Variants in SOX30 observed in about 807,000 individuals in gnomAD.
SOX30 encodes the protein SRY-box transcription factor 30.
SOX30 carries 17 observed loss-of-function variants against 58.6 expected under a neutral mutation model. The ratio of observed to expected loss-of-function variants is 0.29; its 90% CI spans 0.20 to 0.44. The LOEUF is 0.44. SOX30 is among the 20% of genes least tolerant of loss of function. SOX30 has a pLI of 1.00. For synonymous variants in SOX30, 421 were observed against 400.2 expected (o/e 1.05, Z -0.62); for missense variants, 951 against 965.8 (o/e 0.98, Z 0.20).
rs1581393412 is a variant in SOX30 at position 157,638,707 on chromosome 5, G to A, written c.1403C>T (p.Ala468Val). 1 of 1,607,950 alleles carries A rather than the reference G, an allele frequency of 6.2e-7. No individual in the cohort carries two copies. The highest frequency in any genetic ancestry group is 8.5e-7 in the Non-Finnish European group (1 of 1,176,372). ...ITHPVGETSP[A>V]IQLPTPAVQS... ...GACTGCAGGTGTGGGCAGCTGGATAGCAGGTGAGGTTTCACCTTTAGAAAT... is the reference window on the plus strand; with the variant it reads ...GACTGCAGGTGTGGGCAGCTGGATAACAGGTGAGGTTTCACCTTTAGAAAT... The change falls in exon 4 of 5, where the codon GCT becomes GTT. Residue 468 changes from alanine (A) to valine (V), a missense_variant. Coordinates refer to ENST00000265007, the MANE Select transcript of SOX30 (RefSeq NM_178424.2).
chr5:157,650,814 G>A (rs745762659), intron 1 of SOX30, among the ~76,000 whole-genome samples: 1 of 152,148 alleles, frequency 6.6e-6, no homozygotes, highest in South Asian at 2.1e-4. Context: ...CATATAAACT[G>A]AGGGCTATGC....
chr5:157,640,651 G>A (rs1203699622), intron 3 of SOX30, among the ~76,000 whole-genome samples: 1 of 152,064 alleles, frequency 6.6e-6, no homozygotes, highest in Non-Finnish European at 1.5e-5. Context: ...TGTGCACAAG[G>A]GCTGCATGTG....
At chr5:157,648,325 T>C (rs1445969618) in intron 2 of SOX30, among the ~76,000 whole-genome samples, 2 of 152,234 alleles carry the variant, frequency 1.3e-5, no homozygotes, top group Non-Finnish European at 2.9e-5. Context: ...TTAACACTTC[T>C]ATAGTTTACT....
chr5:157,654,177 A>C (rs1196848018), upstream of SOX30, among the ~76,000 whole-genome samples: 2 of 152,092 alleles, frequency 1.3e-5, no homozygotes, highest in East Asian at 3.8e-4. Context: ...AAAAAAAAAA[A>C]AAAACTATTG....
Position 157,638,645 on chromosome 5 carries a change from C to T in SOX30, c.1465G>A (p.Val489Ile), listed in dbSNP as rs367950219. 1.1e-5 allele frequency: 18 copies of T among 1,613,932 alleles called. No individual in the cohort carries two copies. In the African/African-American group the frequency reaches 1.3e-4, roughly 12 times the overall value. The change falls in exon 4 of 5, where the codon GTC becomes ATC. Residue 489 changes from valine (V) to isoleucine (I), a missense_variant. Coordinates refer to ENST00000265007, the MANE Select transcript of SOX30 (RefSeq NM_178424.2). ...ACAGCCACCTGAGCAGCACTGGAGA[C>T]GCTGGGCTGGAAAAGTGTGACAGGG... ...PSPVTLFQPS[V>I]SSAAQVAVQD...
At chr5:157,665,685 A>G (rs1322541448) in intron 2 of SOX30, among the ~76,000 whole-genome samples, 6 of 147,670 alleles carry the variant, frequency 4.1e-5, no homozygotes, top group African/African-American at 1.5e-4. Flanking sequence ...ATAAATAATT[A>G]TAATTTATAA....
At chr5:157,646,905 T>A (rs1457403614) in intron 2 of SOX30, 89 bp from the exon 3 acceptor site, 1 of 975,946 alleles carries the variant, frequency 1.0e-6, no homozygotes, top group Non-Finnish European at 1.6e-6. Context: ...CACTTTAAAG[T>A]GTTTTAAAAA....
chr5:157,646,148 A>C (rs1759186559), intron 3 of SOX30, among the ~76,000 whole-genome samples: 1 of 152,158 alleles, frequency 6.6e-6, no homozygotes, highest in Non-Finnish European at 1.5e-5. Context: ...CTCAGAGGAG[A>C]CATTTAGAGA....
At chr5:157,661,269 T>TTA (rs1759574252) in intron 2 of SOX30, among the ~76,000 whole-genome samples, 1 of 152,214 alleles carries the variant, frequency 6.6e-6, no homozygotes, top group African/African-American at 2.4e-5. Context: ...AGTCATAGGT[T>TTA]TATGTAGCTG....
intron 2 of SOX30, among the ~76,000 whole-genome samples, chr5:157,666,490 C>T (rs1581410594): frequency 7.7e-6 from 1 of 130,156 alleles, no homozygotes; most frequent in Non-Finnish European, 1.5e-5. Flanking sequence ...CACACACACA[C>T]ACACACACAC....
intron 3 of SOX30, among the ~76,000 whole-genome samples, chr5:157,643,670 C>A (rs1022842793): frequency 6.6e-6 from 1 of 152,032 alleles, no homozygotes; most frequent in South Asian, 2.1e-4. Flanking sequence ...AGAAAAAGAG[C>A]AAATTGTTTT....
At chr5:157,638,146 A>C in intron 4 of SOX30, 84 bp downstream of exon 4, 1 of 1,365,868 alleles carries the variant, frequency 7.3e-7, no homozygotes, top group Non-Finnish European at 9.9e-7. Context: ...CAGTATTTAA[A>C]AACAAATAAA....
At chr5:157,636,899 G>T (rs1758941275) in intron 4 of SOX30, among the ~76,000 whole-genome samples, 1 of 152,138 alleles carries the variant, frequency 6.6e-6, no homozygotes, top group Non-Finnish European at 1.5e-5. Context: ...AGGCCGAGAT[G>T]GGCAGATTAT....
upstream of SOX30, among the ~76,000 whole-genome samples, chr5:157,655,063 G>A (rs1759445138): frequency 6.6e-6 from 1 of 152,136 alleles, no homozygotes; most frequent in South Asian, 2.1e-4. Context: ...CTCTTTTGGG[G>A]TCTGGATCTG....
intron 4 of SOX30, among the ~76,000 whole-genome samples, chr5:157,636,171 C>T (rs1458084892): frequency 6.6e-6 from 1 of 152,182 alleles, no homozygotes; most frequent in Non-Finnish European, 1.5e-5. Flanking sequence ...GACTGTGGTA[C>T]ACAGCCCATT....
At chr5:157,657,518 T>G (rs180865806) in intron 2 of SOX30, among the ~76,000 whole-genome samples, 1 of 152,202 alleles carries the variant, frequency 6.6e-6, no homozygotes, top group Admixed American at 6.5e-5. Context: ...TTCAGAATAC[T>G]CATGGAGAGC....
upstream of SOX30, among the ~76,000 whole-genome samples, chr5:157,656,754 C>G (rs1245052243): frequency 1.3e-5 from 2 of 152,176 alleles, no homozygotes; most frequent in East Asian, 1.9e-4. Context: ...TGTAAATTTT[C>G]TTCCTTAGAT....
At chr5:157,632,228 T>C (rs1367786035) in intron 4 of SOX30, among the ~76,000 whole-genome samples, 1 of 152,040 alleles carries the variant, frequency 6.6e-6, no homozygotes, top group Non-Finnish European at 1.5e-5. Flanking sequence ...TTGCCAGATA[T>C]TGTTTTCTCT....
At chr5:157,646,463 G>C (rs1759196248) in intron 3 of SOX30, among the ~76,000 whole-genome samples, 174 bp downstream of exon 3, 1 of 152,132 alleles carries the variant, frequency 6.6e-6, no homozygotes, top group South Asian at 2.1e-4. Flanking sequence ...CAAGTGTTTT[G>C]ATCTCTACTG....
Sources: gnomAD v4.1 joint callset for allele counts (sites outside exome capture counted in the v4.1 genomes callset) on GRCh38, gnomAD v4.1.1 for gene constraint, MANE v1.5 for transcripts, NCBI Gene and HGNC (gene_info 2026-07-23, HGNC 2026-07-21) for gene names.